Variants in RFT1 observed in about 807,000 individuals in gnomAD.
The protein encoded by RFT1 is man(5)GlcNAc(2)-PP-dolichol translocation protein RFT1.
Under a neutral mutation model 62.2 loss-of-function variants are expected in RFT1, and 43 were observed. The observed-to-expected ratio is 0.69, with a 90% CI of 0.54 to 0.89. The LOEUF is 0.89. RFT1 is among the 40% of genes least tolerant of loss of function. RFT1 has a pLI of 0.00. For missense variants in RFT1, 605 were observed against 649.9 expected (o/e 0.93, Z 0.75); for synonymous variants, 262 against 264.6 (o/e 0.99, Z 0.10).
At chr3:53,087,719 C>T (rs1700885641), downstream of RFT1, among the ~76,000 whole-genome samples, 1 of 152,188 alleles carries the variant, frequency 6.6e-6, no homozygotes, top group Admixed American at 6.5e-5. Flanking sequence ...TGGGGTCTCC[C>T]TGTGTTGCCC....
At chr3:53,075,952 G>C in the RFT1 span, among the ~76,000 whole-genome samples, 1 of 152,208 alleles carries the variant, frequency 6.6e-6, no homozygotes, top group Admixed American at 6.5e-5. Flanking sequence ...AGTTAACATG[G>C]GGTGATCAGA....
intron 8 of RFT1, among the ~76,000 whole-genome samples, chr3:53,106,142 A>G (rs1429292821): frequency 3.3e-5 from 5 of 152,114 alleles, no homozygotes; most frequent in Non-Finnish European, 5.9e-5. Flanking sequence ...CTGAGGTGGG[A>G]GGATCACCCA....
the RFT1 span, among the ~76,000 whole-genome samples, chr3:53,075,322 C>G: frequency 6.6e-6 from 1 of 152,218 alleles, no homozygotes; most frequent in Non-Finnish European, 1.5e-5. Context: ...CTCCATGCAT[C>G]TTTCATCTCC....
At chr3:53,121,530 C>T (rs1701967113) in intron 5 of RFT1, among the ~76,000 whole-genome samples, 169 bp downstream of exon 5, 1 of 152,218 alleles carries the variant, frequency 6.6e-6, no homozygotes, top group Non-Finnish European at 1.5e-5. Flanking sequence ...GTATGGAACA[C>T]AATGGACCTG....
chr3:53,114,259 GA>G (rs1210850426), intron 6 of RFT1, among the ~76,000 whole-genome samples: 1 of 152,152 alleles, frequency 6.6e-6, no homozygotes, highest in African/African-American at 2.4e-5. Flanking sequence ...CTTTTAAAAG[GA>G]AACGAAGGCT....
the RFT1 span, among the ~76,000 whole-genome samples, chr3:53,070,005 G>A: frequency 1.3e-5 from 2 of 152,214 alleles, no homozygotes; most frequent in African/African-American, 4.8e-5. Flanking sequence ...CACCCTAGCT[G>A]TGGATTCAGG....
the RFT1 span, among the ~76,000 whole-genome samples, chr3:53,076,001 G>A: frequency 6.6e-6 from 1 of 152,198 alleles, no homozygotes; most frequent in African/African-American, 2.4e-5. Flanking sequence ...CTGCCTGGGT[G>A]GGGGATGGAA....
intron 11 of RFT1, among the ~76,000 whole-genome samples, chr3:53,096,230 T>C (rs937877043): frequency 1.3e-5 from 2 of 152,212 alleles, no homozygotes. Flanking sequence ...GCTGTATTCC[T>C]AGAGCTTAAA....
the RFT1 span, among the ~76,000 whole-genome samples, chr3:53,079,595 ATGG>A: frequency 2.0e-5 from 3 of 152,002 alleles, no homozygotes; most frequent in African/African-American, 4.8e-5. Flanking sequence ...TTAGCTGGGC[ATGG>A]TGGTGGGCGC....
the RFT1 span, among the ~76,000 whole-genome samples, chr3:53,072,931 C>T: frequency 6.6e-6 from 1 of 151,582 alleles, no homozygotes; most frequent in Non-Finnish European, 1.5e-5. Flanking sequence ...GCTCTAGTGC[C>T]TGCCGCACAG....
At chr3:53,118,929 A>G (rs1235377954) in intron 6 of RFT1, among the ~76,000 whole-genome samples, 6 of 152,198 alleles carry the variant, frequency 3.9e-5, no homozygotes, top group Non-Finnish European at 7.3e-5. Flanking sequence ...GAAGGAGACC[A>G]CGTGAGGCCG....
rs767814180 is a variant in RFT1, at chr3:53,122,393, T to C, written c.437A>G (p.His146Arg). 1.4e-5 allele frequency: 22 copies of C among 1,613,872 alleles called. No homozygotes were observed. The South Asian group carries it at 2.0e-4, about 14-fold the overall frequency. Residue 146 changes from histidine (H) to arginine (R), a missense_variant, in exon 4 of 13, where the codon CAT (histidine) becomes CGT (arginine). Coordinates refer to ENST00000296292, the MANE Select transcript of RFT1 (RefSeq NM_052859.4). ...GEPFWVLAQA[H>R]MFVKLKVIAE... ...ACTGACCTTGAGCTTCACAAACATA[T>C]GTGCTTGTGCCAAGACCCAAAAGGG... is the stretch of plus-strand genomic sequence containing the variant.
the RFT1 span, among the ~76,000 whole-genome samples, chr3:53,076,829 C>T: frequency 9.9e-5 from 15 of 152,050 alleles, no homozygotes; most frequent in Non-Finnish European, 2.1e-4. Context: ...CACTTGTAGT[C>T]CCAGCGACTC....
At chr3:53,086,391 C>T (rs1034940243), downstream of RFT1, among the ~76,000 whole-genome samples, 8 of 152,206 alleles carry the variant, frequency 5.3e-5, no homozygotes, top group Admixed American at 2.6e-4. Flanking sequence ...TCTTGGCTCA[C>T]TGCAACCTCT....
intron 1 of RFT1, among the ~76,000 whole-genome samples, chr3:53,128,297 C>G (rs188507256): frequency 6.6e-6 from 1 of 151,966 alleles, no homozygotes; most frequent in Non-Finnish European, 1.5e-5. Flanking sequence ...GACTCCATCT[C>G]GAAAACAAAA....
At chr3:53,093,420 C>G (rs1701052354) in intron 11 of RFT1, among the ~76,000 whole-genome samples, 1 of 152,212 alleles carries the variant, frequency 6.6e-6, no homozygotes. Flanking sequence ...CACGAAATAG[C>G]TGCCATAGTC....
chr3:53,097,459 T>C (rs949085400), intron 11 of RFT1, among the ~76,000 whole-genome samples: 4 of 152,244 alleles, frequency 2.6e-5, no homozygotes, highest in East Asian at 3.8e-4. Flanking sequence ...TTTTTCTCTA[T>C]GTTGACTAAT....
chr3:53,125,886 T>C, intron 2 of RFT1, 23 bp downstream of exon 2: 1 of 1,587,308 alleles, frequency 6.3e-7, no homozygotes, highest in South Asian at 1.1e-5. Flanking sequence ...ACTCTGACAG[T>C]GCCAGGGTGC....
chr3:53,128,715 T>G (rs1325180876), intron 1 of RFT1, among the ~76,000 whole-genome samples: 2 of 152,234 alleles, frequency 1.3e-5, no homozygotes, highest in Non-Finnish European at 2.9e-5. Flanking sequence ...TTCACCATGT[T>G]GCCCAGGCTG....
Sources: allele counts gnomAD v4.1 joint callset (sites outside exome capture counted in the v4.1 genomes callset), GRCh38; gene constraint gnomAD v4.1.1; transcripts MANE v1.5; gene names NCBI Gene and HGNC (gene_info 2026-07-23, HGNC 2026-07-21).